MAST2: variants seen among roughly 807,000 people sequenced by gnomAD.
MAST2 encodes microtubule-associated serine/threonine-protein kinase 2.
In MAST2, 70 loss-of-function variants were observed where a neutral mutation model predicts 147.4. That is an observed-to-expected ratio of 0.47 (90% CI 0.39 to 0.58). The LOEUF is 0.58. Among genes scored for constraint, MAST2 ranks in the 20% least tolerant of loss-of-function variants. MAST2 has a pLI of 0.00. For synonymous variants in MAST2, 869 were observed against 896.8 expected (o/e 0.97, Z 0.55); for missense variants, 2,080 against 2,302.3 (o/e 0.90, Z 1.98).
At chr1:45,821,803 C>T (rs557030995) in intron 1 of MAST2, among the ~76,000 whole-genome samples, 3 of 151,624 alleles carry the variant, frequency 2.0e-5, no homozygotes, top group African/African-American at 7.3e-5. Flanking sequence ...AGGCGTGAGC[C>T]ATGGTGCCCG....
chr1:45,806,469 A>G (rs1044380975), intron 1 of MAST2, among the ~76,000 whole-genome samples: 3 of 152,216 alleles, frequency 2.0e-5, no homozygotes, highest in African/African-American at 7.2e-5. Flanking sequence ...GTGCCGTCAT[A>G]GCTCACGGCA....
rs1646258921 is a variant in MAST2 at position 46,023,123 on chromosome 1, A to C, written c.1486-110A>C. 2.5e-6 allele frequency: 3 copies of C among 1,212,878 alleles called. No homozygotes were observed. The South Asian group carries it at 3.7e-5, about 15-fold the overall frequency. 75.1% of individuals were successfully genotyped at this position (1,212,878 alleles called of 1,614,324 possible). On this transcript the variant is annotated intron_variant, in intron 13 of 28. Coordinates refer to ENST00000361297, the MANE Select transcript of MAST2 (RefSeq NM_015112.3). The surrounding 1 kb of genome is among the most constrained non-coding windows in gnomAD (Gnocchi z 4.9). Reference sequence around the variant, plus strand: ...TCATTCTACTCCCAGAAGAATGAGCAGGAGACTGCACTAGAGCTGACAGCT... The same window carrying C: ...TCATTCTACTCCCAGAAGAATGAGCCGGAGACTGCACTAGAGCTGACAGCT...
intron 3 of MAST2, among the ~76,000 whole-genome samples, chr1:45,859,202 C>T (rs1645896143): frequency 6.6e-6 from 1 of 152,130 alleles, no homozygotes; most frequent in African/African-American, 2.4e-5. Flanking sequence ...TCAAGTGATT[C>T]AGCTGTCTCA....
chr1:45,972,393 A>G (rs961786878), intron 5 of MAST2, among the ~76,000 whole-genome samples: 1 of 152,186 alleles, frequency 6.6e-6, no homozygotes, highest in Non-Finnish European at 1.5e-5. Context: ...AGAAGAGGGG[A>G]AAAGTTTCTG....
At chr1:45,957,712 T>C (rs1344282420) in intron 4 of MAST2, among the ~76,000 whole-genome samples, 3 of 152,086 alleles carry the variant, frequency 2.0e-5, no homozygotes, top group African/African-American at 2.4e-5. Context: ...GAATTAGTTG[T>C]CTTGGAGAGT....
Position 46,028,890 on chromosome 1 carries a change from T to C in MAST2, c.2175T>C (p.Phe725=). The change falls in exon 18 of 29, where the codon TTT becomes TTC. Residue 725 remains phenylalanine (F), a synonymous_variant. Transcript: ENST00000361297. ...LYEFLVGCVP[F]FGDTPEELFG... ...AGTTCCTGGTGGGCTGCGTCCCTTTTTTTGGAGATACTCCGGAGGAGCTCT... is the reference window on the plus strand; with the variant it reads ...AGTTCCTGGTGGGCTGCGTCCCTTTCTTTGGAGATACTCCGGAGGAGCTCT... The C allele has an allele frequency of 6.2e-7, 1 of 1,611,944 alleles. No individual in the cohort carries two copies. The highest frequency in any genetic ancestry group is 8.5e-7 in the Non-Finnish European group (1 of 1,179,130).
intron 3 of MAST2, among the ~76,000 whole-genome samples, chr1:45,866,916 A>AT (rs1306613952): frequency 6.6e-6 from 1 of 151,762 alleles, no homozygotes; most frequent in Non-Finnish European, 1.5e-5. Context: ...CACCTGGCTA[A>AT]TTTTTTGTAT....
intron 4 of MAST2, among the ~76,000 whole-genome samples, chr1:45,957,475 A>G (rs1216153440): frequency 2.0e-5 from 3 of 151,996 alleles, no homozygotes; most frequent in Non-Finnish European, 4.4e-5. Context: ...TAAATATGTT[A>G]TTTGTTTTCT....
intron 3 of MAST2, among the ~76,000 whole-genome samples, chr1:45,843,980 G>A (rs1458245878): frequency 6.6e-6 from 1 of 152,138 alleles, no homozygotes; most frequent in Non-Finnish European, 1.5e-5. Context: ...GAATAGTTAA[G>A]CATTTTTATC....
chr1:45,876,947 A>G (rs1473141970), intron 3 of MAST2, among the ~76,000 whole-genome samples: 5 of 152,228 alleles, frequency 3.3e-5, no homozygotes, highest in Non-Finnish European at 7.3e-5. Context: ...AGAAGTCAGA[A>G]CTGTCATGTA....
intron 22 of MAST2, 81 bp downstream of exon 22, chr1:46,030,842 A>G (rs1033655276): frequency 6.7e-7 from 1 of 1,482,638 alleles, no homozygotes; most frequent in Non-Finnish European, 9.0e-7. Flanking sequence ...TTCCGATGCC[A>G]GGGAGGAGTG....
At chr1:45,968,671 G>A (rs1643745322) in intron 5 of MAST2, among the ~76,000 whole-genome samples, 1 of 151,800 alleles carries the variant, frequency 6.6e-6, no homozygotes, top group African/African-American at 2.4e-5. Flanking sequence ...ATGTCTAAGT[G>A]CAGTTTTTTT....
chr1:45,960,066 G>A (rs987742097), intron 5 of MAST2, among the ~76,000 whole-genome samples: 4 of 152,042 alleles, frequency 2.6e-5, no homozygotes, highest in African/African-American at 4.8e-5. Flanking sequence ...CACTGCACCC[G>A]GGTTGGAGTA....
At chr1:46,003,280 CCT>C (rs1352152720) in intron 7 of MAST2, among the ~76,000 whole-genome samples, 1 of 152,150 alleles carries the variant, frequency 6.6e-6, no homozygotes, top group Non-Finnish European at 1.5e-5. Context: ...TAGACTCTCC[CCT>C]CTTTTTCACC....
chr1:45,826,046 G>A (rs965717415), intron 2 of MAST2, among the ~76,000 whole-genome samples: 1 of 151,886 alleles, frequency 6.6e-6, no homozygotes, highest in Non-Finnish European at 1.5e-5. Context: ...CAGCTGGGGC[G>A]ACAGAGCGAA....
chr1:45,979,512 T>C (rs1644314015), intron 5 of MAST2, among the ~76,000 whole-genome samples: 1 of 151,996 alleles, frequency 6.6e-6, no homozygotes, highest in African/African-American at 2.4e-5. Context: ...TCATTTTTTC[T>C]GGAGCTAGAA....
Position 45,867,066 on chromosome 1 carries a change from A to T in MAST2, c.469-15298A>T, listed in dbSNP as rs981633450. Among the ~76,000 whole-genome samples, 3 of 152,166 alleles carry T rather than the reference A, an allele frequency of 2.0e-5. No individual in the cohort carries two copies. The South Asian group carries it at 6.2e-4, about 32-fold the overall frequency. Reference sequence around the variant, plus strand: ...CACCCAGCCTATTTTGCCTATTTTTAAAAAATAAACTTTAAGGTTCATTCT... The same window carrying T: ...CACCCAGCCTATTTTGCCTATTTTTTAAAAATAAACTTTAAGGTTCATTCT... On this transcript the variant is annotated intron_variant, in intron 3 of 28. Coordinates refer to ENST00000361297, the MANE Select transcript of MAST2 (RefSeq NM_015112.3).
At chr1:45,839,910 G>A (rs946156888) in intron 3 of MAST2, among the ~76,000 whole-genome samples, 4 of 152,142 alleles carry the variant, frequency 2.6e-5, no homozygotes, top group African/African-American at 7.2e-5. Flanking sequence ...AAATGGTGTT[G>A]AAACAATTCA....
At chr1:45,831,318 C>A (rs1444430748) in intron 3 of MAST2, among the ~76,000 whole-genome samples, 2 of 152,008 alleles carry the variant, frequency 1.3e-5, no homozygotes, top group Non-Finnish European at 2.9e-5. Context: ...AGATATAAGC[C>A]TTTTGGGTCA....
Sources: gnomAD v4.1 joint callset for allele counts (sites outside exome capture counted in the v4.1 genomes callset) on GRCh38, gnomAD v4.1.1 for gene constraint, Gnocchi (gnomAD v3.1) non-coding constraint, MANE v1.5 for transcripts, NCBI Gene and HGNC (gene_info 2026-07-23, HGNC 2026-07-21) for gene names.